Variants in AGBL1 observed in about 807,000 individuals in gnomAD.
The protein encoded by AGBL1 is AGBL carboxypeptidase 1.
In AGBL1, 130 loss-of-function variants were observed where a neutral mutation model predicts 118.9. That is an observed-to-expected ratio of 1.09 (90% CI 0.95 to 1.26). AGBL1 has a LOEUF of 1.26. AGBL1 is among the 50% of genes most tolerant of loss of function. The pLI, the probability that AGBL1 is intolerant of heterozygous loss-of-function variation, is 0.00. For synonymous variants in AGBL1, 555 were observed against 478.9 expected (o/e 1.16, Z -2.08); for missense variants, 1,584 against 1,298.1 (o/e 1.22, Z -3.38).
intron 17 of AGBL1, among the ~76,000 whole-genome samples, chr15:86,362,444 A>G (rs1013459474): frequency 6.6e-6 from 1 of 152,070 alleles, no homozygotes; most frequent in Non-Finnish European, 1.5e-5. Flanking sequence ...TTTTGTTTCA[A>G]CTCAAAGGAC....
At chr15:86,599,770 T>A (rs192247256) in intron 21 of AGBL1, among the ~76,000 whole-genome samples, 1 of 152,230 alleles carries the variant, frequency 6.6e-6, no homozygotes, top group African/African-American at 2.4e-5. Context: ...TCAGCCCCAA[T>A]TCTATGCTCA....
chr15:86,988,768 A>T (rs1480311692), intron 24 of AGBL1, among the ~76,000 whole-genome samples: 1 of 152,174 alleles, frequency 6.6e-6, no homozygotes, highest in Non-Finnish European at 1.5e-5. Flanking sequence ...TTTAGAAACA[A>T]AGTTATACAT....
At chr15:86,524,809 C>T (rs2083240489) in intron 19 of AGBL1, among the ~76,000 whole-genome samples, 1 of 152,116 alleles carries the variant, frequency 6.6e-6, no homozygotes, top group Non-Finnish European at 1.5e-5. Context: ...AGGATTTGAA[C>T]CCTCTAGTCT....
chr15:86,663,376 C>G (rs1009497752), intron 21 of AGBL1, among the ~76,000 whole-genome samples: 2 of 152,182 alleles, frequency 1.3e-5, no homozygotes, highest in Non-Finnish European at 2.9e-5. Context: ...TTCCCTCACT[C>G]TGTGGTCTTA....
At chr15:86,819,250 G>A (rs1294136333) in intron 22 of AGBL1, among the ~76,000 whole-genome samples, 1 of 152,020 alleles carries the variant, frequency 6.6e-6, no homozygotes, top group Non-Finnish European at 1.5e-5. Flanking sequence ...GTAGTAGGTT[G>A]GTAGTAGTAC....
chr15:86,925,184 AGG>A (rs1567243003), intron 23 of AGBL1, among the ~76,000 whole-genome samples: 34 of 132,936 alleles, frequency 2.6e-4, no homozygotes, highest in African/African-American at 1.0e-3. Flanking sequence ...GAAGAGGAAG[AGG>A]AAGAAAAGAA....
chr15:86,533,204 C>G (rs1331484612), intron 19 of AGBL1, among the ~76,000 whole-genome samples: 1 of 73,658 alleles, frequency 1.4e-5, no homozygotes, highest in Admixed American at 1.0e-4. Flanking sequence ...ATTTTCACAA[C>G]CTACTCATCT....
chr15:86,791,812 C>G (rs1462407473), intron 22 of AGBL1, among the ~76,000 whole-genome samples: 1 of 151,458 alleles, frequency 6.6e-6, no homozygotes, highest in African/African-American at 2.4e-5. Context: ...TCTTGGCTCA[C>G]CACAACCCCC....
intron 5 of AGBL1, among the ~76,000 whole-genome samples, chr15:86,176,424 G>C (rs531150236): frequency 6.6e-6 from 1 of 152,338 alleles, no homozygotes; most frequent in Non-Finnish European, 1.5e-5. Context: ...GTTGCTGTCA[G>C]TGGCAGCAGC....
intron 14 of AGBL1, among the ~76,000 whole-genome samples, chr15:86,270,665 T>C (rs1462040374): frequency 1.3e-5 from 2 of 152,228 alleles, no homozygotes; most frequent in African/African-American, 2.4e-5. Flanking sequence ...TAGGTCCAAG[T>C]GCAGGGTACT....
At chr15:86,106,335 A>C (rs1897050764) in intron 1 of AGBL1, among the ~76,000 whole-genome samples, 1 of 152,196 alleles carries the variant, frequency 6.6e-6, no homozygotes, top group East Asian at 1.9e-4. Context: ...AGCAATTTTC[A>C]TGCATGATAT....
In AGBL1 at chr15:86,914,425, A is replaced by G. The variant is rs2080393614; in HGVS notation, c.*7131A>G. ...AAATGAAGTGCACCCATACTTAAAG[A>G]GACACGTTTAGTAAATGATAGAGCT... On this transcript the variant is annotated 3_prime_UTR_variant, in exon 23 of 23. Transcript: ENST00000614907. The G allele has an allele frequency of 6.6e-6, 1 of 152,182 alleles. No homozygotes were observed. The highest frequency in any genetic ancestry group is 2.4e-5 in the African/African-American group (1 of 41,456). 9.4% of individuals were successfully genotyped at this position (152,182 alleles called of 1,614,324 possible). A position where few individuals can be genotyped will look rare whatever the true frequency, so the allele number is the denominator to read the frequency against.
At chr15:86,097,318 C>T (rs1896441998) in intron 1 of AGBL1, among the ~76,000 whole-genome samples, 1 of 152,136 alleles carries the variant, frequency 6.6e-6, no homozygotes, top group South Asian at 2.1e-4. Context: ...ATGTTGAGAA[C>T]ATTTCAGGTT....
rs1465867707 is a variant in AGBL1 at position 86,236,051 on chromosome 15, C to G, written c.526+11100C>G. Among the ~76,000 whole-genome samples, 5 of 152,246 alleles carry G rather than the reference C, an allele frequency of 3.3e-5. No homozygotes were observed. The East Asian group carries it at 9.6e-4, about 29-fold the overall frequency. On this transcript the variant is annotated intron_variant, in intron 6 of 22. Transcript: ENST00000614907. The stretch of plus-strand genomic sequence containing the variant: ...ATGCACTTGGCATATTGGGACTAAC[C>G]TCTACTCCTTCCTTTCACTACTGCA...
At position 86,269,999 on chromosome 15, in the gene AGBL1, T is replaced by A; in HGVS notation, c.1919T>A (p.Met640Lys). 3 of 1,613,768 alleles carry A rather than the reference T, an allele frequency of 1.9e-6. No homozygotes were observed. Among genetic ancestry groups the A allele is most frequent in the Non-Finnish European group, 2.5e-6 (3 of 1,179,812 alleles). Residue 640 changes from methionine to lysine, a missense_variant, in exon 14 of 23, where the codon ATG becomes AAG. By Grantham distance (95) the Met-to-Lys change is moderately conservative. Coordinates refer to ENST00000614907, the MANE Select transcript of AGBL1 (RefSeq NM_001386094.1). ...QQWFYFKVSG[M>K]QAAIPYHFNI... ...TGGTTCTATTTCAAAGTGAGCGGTA[T>A]GCAGGCGGCCATCCCTTACCACTTC... is the stretch of plus-strand genomic sequence containing the variant.
At chr15:86,222,216 C>T (rs1039406621) in intron 5 of AGBL1, among the ~76,000 whole-genome samples, 3 of 152,168 alleles carry the variant, frequency 2.0e-5, no homozygotes, top group African/African-American at 7.2e-5. Flanking sequence ...ATATTCCTAA[C>T]TGTGGTTGCG....
At chr15:86,087,084 T>C (rs1895708118) in intron 1 of AGBL1, among the ~76,000 whole-genome samples, 1 of 152,198 alleles carries the variant, frequency 6.6e-6, no homozygotes, top group African/African-American at 2.4e-5. Context: ...ATTAGCCACA[T>C]AGATACCATT....
chr15:86,264,637 G>T lies in AGBL1; in HGVS notation c.1466G>T (p.Arg489Ile). 8 of 1,613,976 alleles carry T rather than the reference G, an allele frequency of 5.0e-6. No homozygotes were observed. The highest frequency in any genetic ancestry group is 6.8e-6 in the Non-Finnish European group (8 of 1,179,870). Reference sequence around the variant, plus strand: ...TCCTTTTCTAATTCCACTAGGACTAGAGAAGTTGTCAAAGTAATAGATAAG... The same window carrying T: ...TCCTTTTCTAATTCCACTAGGACTATAGAAGTTGTCAAAGTAATAGATAAG... ...SASFSNSTRT[R>I]EVVKVIDKLL... The change falls in exon 11 of 23, where the codon AGA becomes ATA. Residue 489 changes from arginine to isoleucine, a missense_variant. By Grantham distance (97) the Arg-to-Ile change is moderately conservative. Transcript: ENST00000614907.
At chr15:86,806,067 G>C (rs531047989) in intron 22 of AGBL1, among the ~76,000 whole-genome samples, 1 of 152,262 alleles carries the variant, frequency 6.6e-6, no homozygotes, top group East Asian at 1.9e-4. Context: ...TCACTGTTTG[G>C]AGGCTTGCTG....
Sources: allele counts gnomAD v4.1 joint callset (sites outside exome capture counted in the v4.1 genomes callset), GRCh38; gene constraint gnomAD v4.1.1; transcripts MANE v1.5; gene names NCBI Gene and HGNC (gene_info 2026-07-23, HGNC 2026-07-21).